RCAN2: variants seen among roughly 807,000 people sequenced by gnomAD.
RCAN2 encodes the protein calcipressin-2.
A neutral mutation model predicts 23.6 loss-of-function variants in RCAN2; 9 were observed. The observed-to-expected ratio is 0.38, with a 90% CI of 0.23 to 0.67. RCAN2 has a LOEUF of 0.67. Among genes scored for constraint, RCAN2 ranks in the 30% least tolerant of loss-of-function variants. The pLI is 0.51. For synonymous variants in RCAN2, 109 were observed against 115.7 expected, an observed-to-expected ratio of 0.94 and a Z score of 0.37; for missense variants, 273 against 302.3, an observed-to-expected ratio of 0.90 and a Z score of 0.72.
Position 46,410,435 on chromosome 6 carries a change from G to A in RCAN2, c.225+46317C>T, listed in dbSNP as rs1766515485. Among the ~76,000 whole-genome samples, 4 of 152,160 alleles carry A rather than the reference G, an allele frequency of 2.6e-5. No homozygotes were observed. In the South Asian group the frequency reaches 8.3e-4, roughly 31 times the overall value. ...CCCTATTTTCAATCGTACATTTGAA[G>A]TAGATTAGGACATGGTAAAAAAAGG... On this transcript the variant is annotated intron_variant, in intron 2 of 4. Coordinates refer to ENST00000371374, the MANE Select transcript of RCAN2 (RefSeq NM_001251974.2).
At chr6:46,288,407 T>C (rs1762438260) in intron 2 of RCAN2, among the ~76,000 whole-genome samples, 1 of 152,218 alleles carries the variant, frequency 6.6e-6, no homozygotes, top group African/African-American at 2.4e-5. Flanking sequence ...GCTTTAACTC[T>C]GGCTGGCTGC....
intron 2 of RCAN2, chr6:46,325,900 G>A: frequency 1.0e-6 from 1 of 984,976 alleles, no homozygotes; most frequent in Non-Finnish European, 1.2e-6. Flanking sequence ...AAAGCAGGAG[G>A]GGGTGAATCT....
chr6:46,489,629 C>T (rs1021674037), intron 1 of RCAN2, among the ~76,000 whole-genome samples: 6 of 152,230 alleles, frequency 3.9e-5, no homozygotes, highest in Non-Finnish European at 8.8e-5. Context: ...GTCTGTTACA[C>T]GTTCATCACT....
chr6:46,260,599 C>G (rs543172109), intron 2 of RCAN2, among the ~76,000 whole-genome samples: 1 of 152,274 alleles, frequency 6.6e-6, no homozygotes, highest in East Asian at 1.9e-4. Context: ...TGTTCTGACT[C>G]CATGCAGTGA....
chr6:46,245,651 C>T (rs998563971), intron 4 of RCAN2, among the ~76,000 whole-genome samples: 1 of 152,176 alleles, frequency 6.6e-6, no homozygotes, highest in Non-Finnish European at 1.5e-5. Context: ...GTTGACTATT[C>T]TTGGTACTTG....
intron 2 of RCAN2, among the ~76,000 whole-genome samples, chr6:46,249,749 G>A (rs983386617): frequency 1.3e-5 from 2 of 152,086 alleles, no homozygotes; most frequent in African/African-American, 4.8e-5. Flanking sequence ...AAGCCCTCGA[G>A]TAATTTTTCA....
intron 2 of RCAN2, among the ~76,000 whole-genome samples, chr6:46,272,116 C>A (rs1199843092): frequency 6.6e-6 from 1 of 152,222 alleles, no homozygotes; most frequent in Non-Finnish European, 1.5e-5. Context: ...GGGATTTTAA[C>A]ACCAATGTTT....
intron 2 of RCAN2, among the ~76,000 whole-genome samples, chr6:46,452,003 C>T (rs1458732789): frequency 1.3e-5 from 2 of 152,132 alleles, no homozygotes; most frequent in African/African-American, 4.8e-5. Context: ...GTTTTGGCAT[C>T]ACTGTCAGCA....
chr6:46,345,898 T>G (rs1241251546), intron 2 of RCAN2, among the ~76,000 whole-genome samples: 2 of 152,200 alleles, frequency 1.3e-5, no homozygotes, highest in Non-Finnish European at 2.9e-5. Context: ...TGTGTTAACA[T>G]GCTCTTTTAA....
intron 2 of RCAN2, among the ~76,000 whole-genome samples, chr6:46,374,364 T>A (rs1410013400): frequency 6.6e-6 from 1 of 152,232 alleles, no homozygotes; most frequent in African/African-American, 2.4e-5. Context: ...TGCACAATCA[T>A]CTTTTATTTT....
intron 4 of RCAN2, among the ~76,000 whole-genome samples, chr6:46,228,602 CT>C (rs976362706): frequency 3.3e-5 from 5 of 151,324 alleles, no homozygotes; most frequent in Admixed American, 1.3e-4. Flanking sequence ...GCAACCCCTG[CT>C]TTTTTTTTGT....
At chr6:46,276,889 G>T (rs1381331404) in intron 2 of RCAN2, among the ~76,000 whole-genome samples, 2 of 152,196 alleles carry the variant, frequency 1.3e-5, no homozygotes, top group South Asian at 4.1e-4. Flanking sequence ...GCTAGACAGG[G>T]CTAGAGGTGA....
intron 1 of RCAN2, among the ~76,000 whole-genome samples, chr6:46,476,460 T>G (rs1442426438): frequency 6.6e-6 from 1 of 152,252 alleles, no homozygotes; most frequent in Non-Finnish European, 1.5e-5. Flanking sequence ...GAGTGCTTGT[T>G]ACATGCAAGA....
chr6:46,420,972 C>G (rs909132053), intron 2 of RCAN2, among the ~76,000 whole-genome samples: 1 of 152,186 alleles, frequency 6.6e-6, no homozygotes, highest in Non-Finnish European at 1.5e-5. Flanking sequence ...CTGAGATGAA[C>G]ATGATGTCAT....
chr6:46,481,110 C>T (rs527695764), intron 1 of RCAN2, among the ~76,000 whole-genome samples: 13 of 152,206 alleles, frequency 8.5e-5, no homozygotes, highest in African/African-American at 3.1e-4. Flanking sequence ...GGGGCCATGG[C>T]GATGAATGAG....
At chr6:46,408,344 G>A (rs933037255) in intron 2 of RCAN2, among the ~76,000 whole-genome samples, 7 of 152,144 alleles carry the variant, frequency 4.6e-5, no homozygotes, top group African/African-American at 1.7e-4. Flanking sequence ...GGTACCAGCT[G>A]GCGAGTCGCT....
At chr6:46,223,359 G>C in intron 4 of RCAN2, 58 bp from the exon 5 acceptor site, 2 of 1,511,984 alleles carry the variant, frequency 1.3e-6, no homozygotes, top group Non-Finnish European at 1.8e-6. Flanking sequence ...AGAGATCCTG[G>C]AGCAGGGTCT....
intron 2 of RCAN2, among the ~76,000 whole-genome samples, chr6:46,414,402 T>C (rs1766641726): frequency 1.3e-5 from 2 of 152,224 alleles, no homozygotes; most frequent in African/African-American, 4.8e-5. Flanking sequence ...GACAGAGGAC[T>C]TCTTAGAAGT....
At chr6:46,267,872 G>T (rs1043019411) in intron 2 of RCAN2, among the ~76,000 whole-genome samples, 1 of 151,744 alleles carries the variant, frequency 6.6e-6, no homozygotes, top group African/African-American at 2.4e-5. Context: ...TTATAATACC[G>T]ATATCTAAAT....
Sources: gnomAD v4.1 joint callset for allele counts (sites outside exome capture counted in the v4.1 genomes callset) on GRCh38, gnomAD v4.1.1 for gene constraint, MANE v1.5 for transcripts, NCBI Gene and HGNC (gene_info 2026-07-23, HGNC 2026-07-21) for gene names.